Variants in SPECC1L observed in about 807,000 individuals in gnomAD.
SPECC1L encodes the protein cytospin-A.
Under a neutral mutation model 116.8 loss-of-function variants are expected in SPECC1L, and 40 were observed. That is an observed-to-expected ratio of 0.34 (90% CI 0.27 to 0.45). SPECC1L has a LOEUF of 0.45. SPECC1L is among the 20% of genes least tolerant of loss of function. The probability of loss-of-function intolerance (pLI) is 1.00; values close to 1 mark genes in which losing one functional copy is unlikely to be tolerated. For synonymous variants in SPECC1L, 504 were observed against 500.6 expected, an observed-to-expected ratio of 1.01 and a Z score of -0.09; for missense variants, 1,110 against 1,373.6, an observed-to-expected ratio of 0.81 and a Z score of 3.03.
chr22:24,383,118 T>G (rs1450793356), intron 14 of SPECC1L, among the ~76,000 whole-genome samples: 1 of 152,172 alleles, frequency 6.6e-6, no homozygotes, highest in Admixed American at 6.5e-5. Flanking sequence ...GGTTGAGACC[T>G]CAAAAGAATT....
In SPECC1L at chr22:24,338,417, A is replaced by T. The variant is rs769609333; in HGVS notation, c.2592A>T (p.Arg864=). 8.7e-6 allele frequency: 14 copies of T among 1,613,966 alleles called. No individual in the cohort carries two copies. Among genetic ancestry groups the T allele is most frequent in the Non-Finnish European group, 1.1e-5 (13 of 1,179,998 alleles). ...ACCCTGCTGCAGCTGCAATTCCTCG[A>T]ACGCCCCTGAGCCCAAGTCCTATGA... ...VPNPAAAAIP[R]TPLSPSPMKT... Residue 864 remains arginine (R), a synonymous_variant, in exon 10 of 17, where the codon CGA becomes CGT. Transcript: ENST00000314328.
At chr22:24,326,294 C>T (rs1225551384) in intron 6 of SPECC1L, among the ~76,000 whole-genome samples, 2 of 152,202 alleles carry the variant, frequency 1.3e-5, no homozygotes, top group Admixed American at 1.3e-4. Flanking sequence ...AAAGGTGTAA[C>T]TCCCAGTGTT....
At chr22:24,290,647 C>T (rs1228362061) in intron 2 of SPECC1L, among the ~76,000 whole-genome samples, 1 of 152,214 alleles carries the variant, frequency 6.6e-6, no homozygotes, top group Non-Finnish European at 1.5e-5. Flanking sequence ...CTGTTTCATG[C>T]ACCTTGAATA....
intron 14 of SPECC1L, among the ~76,000 whole-genome samples, chr22:24,388,249 C>G (rs1355590699): frequency 1.7e-5 from 2 of 116,870 alleles, no homozygotes; most frequent in African/African-American, 3.4e-5. Flanking sequence ...CACCCCACAA[C>G]AGGCCCCTGT....
chr22:24,353,382 C>T (rs1165008793), intron 11 of SPECC1L, among the ~76,000 whole-genome samples: 1 of 152,078 alleles, frequency 6.6e-6, no homozygotes, highest in Non-Finnish European at 1.5e-5. Context: ...CTCAGATGGG[C>T]TTGTCTGATA....
chr22:24,397,012 G>T (rs1267644503), intron 14 of SPECC1L, among the ~76,000 whole-genome samples: 1 of 152,174 alleles, frequency 6.6e-6, no homozygotes, highest in Non-Finnish European at 1.5e-5. Flanking sequence ...GTGGTATCTT[G>T]TTATATTTGG....
intron 14 of SPECC1L, among the ~76,000 whole-genome samples, 165 bp from the exon 15 acceptor site, chr22:24,411,423 G>A (rs2042696141): frequency 6.6e-6 from 1 of 152,164 alleles, no homozygotes; most frequent in Admixed American, 6.5e-5. Context: ...GGACGGGTTG[G>A]GGAGTCATAG....
chr22:24,273,050 CTG>C (rs550229932), intron 1 of SPECC1L, among the ~76,000 whole-genome samples: 4 of 152,268 alleles, frequency 2.6e-5, no homozygotes, highest in South Asian at 4.1e-4. Flanking sequence ...TGGAGAATAA[CTG>C]TAATAATTAC....
intron 11 of SPECC1L, among the ~76,000 whole-genome samples, chr22:24,350,743 A>G (rs1432036528): frequency 1.3e-5 from 2 of 152,176 alleles, no homozygotes; most frequent in Non-Finnish European, 2.9e-5. Context: ...GGTGTGCCCT[A>G]GTTCTGTCAA....
Position 24,396,443 on chromosome 22 carries a change from G to A in SPECC1L, c.3088-15145G>A, listed in dbSNP as rs572307380. Among the ~76,000 whole-genome samples the A allele has an allele frequency of 1.8e-4, 28 of 152,108 alleles. No homozygotes were observed. In the South Asian group the frequency reaches 5.0e-3, roughly 27 times the overall value. ...CTCCTGAGTAGCTGGGATTACAGGC[G>A]TCTGCCACCACGCCCAGCTAATTTT... On this transcript the variant is annotated intron_variant, in intron 14 of 16. Coordinates refer to ENST00000314328, the MANE Select transcript of SPECC1L (RefSeq NM_015330.6).
chr22:24,359,113 T>C lies in SPECC1L; in HGVS notation c.2744-4148T>C, dbSNP rs543594088. On this transcript the variant is annotated intron_variant, in intron 11 of 16. Coordinates refer to ENST00000314328, the MANE Select transcript of SPECC1L (RefSeq NM_015330.6). ...TTCCTTTGTTAAGAAAAAAAAACTA[T>C]CCTCCCTCTGTTGCCCACCAGCTAC... Among the ~76,000 whole-genome samples the C allele has an allele frequency of 6.1e-4, 93 of 152,190 alleles. 1 individual carries two copies. In the South Asian group the frequency reaches 0.019, roughly 31 times the overall value.
At position 24,321,533 on chromosome 22, in the gene SPECC1L, G is replaced by A; in HGVS notation, c.553G>A (p.Val185Met). ...TGACAGAGCTGCTTTGGAGGCCAAAGTGAAGGATCTTCTCACGCTGGCAAA... is the reference window on the plus strand; with the variant it reads ...TGACAGAGCTGCTTTGGAGGCCAAAATGAAGGATCTTCTCACGCTGGCAAA... ...ISDRAALEAK[V>M]KDLLTLAKTK... Residue 185 changes from valine to methionine, a missense_variant, in exon 5 of 17, where the codon GTG becomes ATG. By Grantham distance (21) the Val-to-Met change is conservative (BLOSUM62 1). Around this residue, in one of 4 missense-constraint regions of SPECC1L, gnomAD observed 437 missense variants for 482.6 expected, o/e 0.91. Transcript: ENST00000314328. 1.2e-6 allele frequency: 2 copies of A among 1,614,224 alleles called. No individual in the cohort carries two copies. The highest frequency in any genetic ancestry group is 1.7e-6 in the Non-Finnish European group (2 of 1,180,046).
intron 10 of SPECC1L, among the ~76,000 whole-genome samples, chr22:24,339,784 CCT>C (rs1491502496): frequency 1.3e-5 from 2 of 151,868 alleles, no homozygotes; most frequent in Non-Finnish European, 2.9e-5. Context: ...GATGTTATGT[CCT>C]TTTTTTTTTA....
At position 24,303,847 on chromosome 22, in the gene SPECC1L, GTGTGT is replaced by G. The variant is rs1569412513; in HGVS notation, c.153+1464_153+1468del. On this transcript the variant is annotated intron_variant, in intron 3 of 16. Transcript: ENST00000314328. ...CTGCATTAACAAGTTTAAATAGGGT[GTGTGT>G]GTGTGTGTGTGTGTGTGTGTGTGTG... Among the ~76,000 whole-genome samples, 211 of 26,464 alleles carry G rather than the reference GTGTGT, an allele frequency of 8.0e-3. 2 individuals carry two copies. The highest frequency in any genetic ancestry group is 0.016 in the African/African-American group (199 of 12,164). 17.4% of individuals were successfully genotyped at this position (26,464 alleles called of 152,430 possible). A position where few individuals can be genotyped will look rare whatever the true frequency, so the allele number is the denominator to read the frequency against.
intron 14 of SPECC1L, among the ~76,000 whole-genome samples, chr22:24,397,810 T>G (rs890093929): frequency 6.6e-6 from 1 of 152,220 alleles, no homozygotes; most frequent in Admixed American, 6.5e-5. Context: ...CTCTTTAAAT[T>G]CTCTGGACTT....
chr22:24,391,064 A>T (rs2042263485), intron 14 of SPECC1L, among the ~76,000 whole-genome samples: 1 of 150,788 alleles, frequency 6.6e-6, no homozygotes, highest in Non-Finnish European at 1.5e-5. Flanking sequence ...TTTAGTAGAG[A>T]CGGGGTTTCA....
intron 7 of SPECC1L, 111 bp downstream of exon 7, chr22:24,329,030 C>T: frequency 1.2e-6 from 1 of 828,584 alleles, no homozygotes; most frequent in East Asian, 2.7e-5. Flanking sequence ...AGTGATAATA[C>T]TGGCCCCATT....
intron 2 of SPECC1L, among the ~76,000 whole-genome samples, chr22:24,282,592 A>G (rs1402350651): frequency 6.6e-6 from 1 of 152,272 alleles, no homozygotes; most frequent in Non-Finnish European, 1.5e-5. Flanking sequence ...TCAGTATGAT[A>G]TTAGCTACAG....
At chr22:24,362,251 C>T (rs1211335201) in intron 11 of SPECC1L, among the ~76,000 whole-genome samples, 1 of 152,120 alleles carries the variant, frequency 6.6e-6, no homozygotes, top group Non-Finnish European at 1.5e-5. Context: ...TTGGTGGGGG[C>T]TGGCAGGGAA....
Sources: gnomAD v4.1 joint callset for allele counts (sites outside exome capture counted in the v4.1 genomes callset) on GRCh38, gnomAD v4.1.1 for gene constraint, gnomAD v4.1.1 regional missense constraint, MANE v1.5 for transcripts, NCBI Gene and HGNC (gene_info 2026-07-23, HGNC 2026-07-21) for gene names.